RAPGEF2: variants seen among roughly 807,000 people sequenced by gnomAD.
RAPGEF2 encodes the protein Rap guanine nucleotide exchange factor 2.
A neutral mutation model predicts 186.7 loss-of-function variants in RAPGEF2; 54 were observed. The ratio of observed to expected loss-of-function variants is 0.29; its 90% confidence interval spans 0.23 to 0.36. The LOEUF is 0.36. Among genes scored for constraint, RAPGEF2 ranks in the 10% least tolerant of loss-of-function variants. The probability of loss-of-function intolerance (pLI) is 1.00; values close to 1 mark genes in which losing one functional copy is unlikely to be tolerated. For missense variants in RAPGEF2, 1,532 were observed against 2,045.0 expected (o/e 0.75, Z 4.84); for synonymous variants, 712 against 705.9 (o/e 1.01, Z -0.14).
chr4:159,333,929 C>T (rs1767040710), intron 17 of RAPGEF2, among the ~76,000 whole-genome samples: 1 of 152,086 alleles, frequency 6.6e-6, no homozygotes, highest in Admixed American at 6.5e-5. Flanking sequence ...AAGAAAACTC[C>T]ATTTCAGATA....
chr4:159,273,035 T>G (rs928855907), intron 7 of RAPGEF2, among the ~76,000 whole-genome samples: 8 of 152,230 alleles, frequency 5.3e-5, no homozygotes, highest in Non-Finnish European at 1.0e-4. Context: ...TGGATTTTCC[T>G]TAGCAATGTA....
intron 4 of RAPGEF2, among the ~76,000 whole-genome samples, chr4:159,218,104 A>G (rs1004642221): frequency 2.6e-5 from 4 of 152,248 alleles, no homozygotes; most frequent in Admixed American, 6.5e-5. Context: ...TCACTAGTGA[A>G]TTCTGTTACA....
intron 7 of RAPGEF2, among the ~76,000 whole-genome samples, chr4:159,248,433 C>T (rs566040743): frequency 6.6e-6 from 1 of 152,240 alleles, no homozygotes; most frequent in East Asian, 1.9e-4. Context: ...TCAAAAGTAT[C>T]CTTTGCTTTT....
chr4:159,348,238 A>AGAGCAAGACTCTGTC (rs1730638980), intron 25 of RAPGEF2, among the ~76,000 whole-genome samples: 9 of 126,004 alleles, frequency 7.1e-5, no homozygotes, highest in African/African-American at 2.5e-4. Context: ...ATAGATAGAT[A>AGAGCAAGACTCTGTC]GATAGATGGA....
intron 3 of RAPGEF2, among the ~76,000 whole-genome samples, chr4:159,198,379 C>T (rs1030583550): frequency 2.2e-5 from 3 of 137,722 alleles, no homozygotes; most frequent in Non-Finnish European, 1.6e-5. Context: ...TTCTTTCTTT[C>T]CTTCCTTCCT....
intron 1 of RAPGEF2, among the ~76,000 whole-genome samples, chr4:159,158,852 C>A (rs530574953): frequency 6.6e-6 from 1 of 152,240 alleles, no homozygotes; most frequent in African/African-American, 2.4e-5. Context: ...CGCTAGAGGC[C>A]CTTACTCAAG....
At chr4:159,173,961 AAG>A (rs372075397) in intron 1 of RAPGEF2, among the ~76,000 whole-genome samples, 77 of 152,336 alleles carry the variant, frequency 5.1e-4, no homozygotes, top group African/African-American at 1.9e-3. Context: ...TTTGCTGCCT[AAG>A]AGATGGCAAT....
intron 4 of RAPGEF2, among the ~76,000 whole-genome samples, chr4:159,237,251 G>A (rs967380737): frequency 5.9e-5 from 9 of 152,028 alleles, no homozygotes; most frequent in Non-Finnish European, 1.2e-4. Context: ...GAACTCCTGG[G>A]CTCAAGTGAT....
At chr4:159,217,353 T>G (rs1047567733) in intron 4 of RAPGEF2, among the ~76,000 whole-genome samples, 1 of 152,164 alleles carries the variant, frequency 6.6e-6, no homozygotes, top group South Asian at 2.1e-4. Flanking sequence ...TCCCCAGTGT[T>G]TGTTGTTGCC....
chr4:159,339,348 G>C lies in RAPGEF2; in HGVS notation c.2528G>C (p.Ser843Thr). 6.2e-7 allele frequency: 1 copy of C among 1,613,534 alleles called. No individual in the cohort carries two copies. The highest frequency in any genetic ancestry group is 8.5e-7 in the Non-Finnish European group (1 of 1,179,760). The change falls in exon 19 of 30, where the codon AGT (serine) becomes ACT (threonine). Residue 843 changes from serine to threonine, a missense_variant. Ser to Thr is a moderately conservative substitution (Grantham distance 58). Coordinates refer to ENST00000691494, the MANE Select transcript of RAPGEF2 (RefSeq NM_001394067.2). Reference sequence around the variant, plus strand: ...AAACTTGCAGACAGAATACAACTGAGTGGAAGGTATATATTATCTACCTTA... The same window carrying C: ...AAACTTGCAGACAGAATACAACTGACTGGAAGGTATATATTATCTACCTTA... ...LSKLADRIQL[S>T]GRYYLKNNME... is the part of the protein sequence containing the mutation.
At chr4:159,312,819 A>G (rs1057348507) in intron 8 of RAPGEF2, among the ~76,000 whole-genome samples, 1 of 152,220 alleles carries the variant, frequency 6.6e-6, no homozygotes, top group African/African-American at 2.4e-5. Flanking sequence ...TGTGATATGA[A>G]CCGGGACTTT....
At chr4:159,150,759 G>GT (rs1743452151) in intron 1 of RAPGEF2, among the ~76,000 whole-genome samples, 1 of 152,200 alleles carries the variant, frequency 6.6e-6, no homozygotes, top group Non-Finnish European at 1.5e-5. Flanking sequence ...ATTTTAGCAA[G>GT]TAGGCAAATT....
chr4:159,249,914 A>G (rs1042500828), intron 7 of RAPGEF2, among the ~76,000 whole-genome samples: 1 of 152,296 alleles, frequency 6.6e-6, no homozygotes, highest in Admixed American at 6.5e-5. Flanking sequence ...TTAGTAGTAA[A>G]CTGGACTGAC....
chr4:159,137,961 C>A (rs1741904493), intron 1 of RAPGEF2, among the ~76,000 whole-genome samples: 1 of 152,080 alleles, frequency 6.6e-6, no homozygotes, highest in East Asian at 1.9e-4. Flanking sequence ...AAATTCTTTT[C>A]TTGAGTGGGA....
chr4:159,156,878 C>A (rs1744189284), intron 1 of RAPGEF2, among the ~76,000 whole-genome samples: 1 of 152,130 alleles, frequency 6.6e-6, no homozygotes, highest in African/African-American at 2.4e-5. Flanking sequence ...ACAATACAAA[C>A]AAGAAATATA....
chr4:159,208,421 G>C (rs916370127), intron 3 of RAPGEF2, among the ~76,000 whole-genome samples: 1 of 152,122 alleles, frequency 6.6e-6, no homozygotes, highest in Non-Finnish European at 1.5e-5. Context: ...AAAGAAATGG[G>C]GTGTGCTCTG....
At chr4:159,146,325 T>C (rs976578918) in intron 1 of RAPGEF2, among the ~76,000 whole-genome samples, 1 of 152,030 alleles carries the variant, frequency 6.6e-6, no homozygotes, top group African/African-American at 2.4e-5. Context: ...TCAGAAGTTT[T>C]AACTTTAAAA....
At chr4:159,304,958 T>C (rs954761237) in intron 8 of RAPGEF2, among the ~76,000 whole-genome samples, 3 of 152,194 alleles carry the variant, frequency 2.0e-5, no homozygotes, top group African/African-American at 7.2e-5. Flanking sequence ...TGTGTCTGAA[T>C]TATTTCAATC....
At chr4:159,304,785 A>G (rs1763085414) in intron 8 of RAPGEF2, among the ~76,000 whole-genome samples, 1 of 152,052 alleles carries the variant, frequency 6.6e-6, no homozygotes, top group Admixed American at 6.6e-5. Context: ...CAGGTTATAC[A>G]TCACCCCAAT....
Sources: allele counts gnomAD v4.1 joint callset (sites outside exome capture counted in the v4.1 genomes callset), GRCh38; gene constraint gnomAD v4.1.1; transcripts MANE v1.5; gene names NCBI Gene and HGNC (gene_info 2026-07-23, HGNC 2026-07-21).